Variants in LRRC37A2 observed in about 807,000 individuals in gnomAD.
LRRC37A2 encodes the protein leucine rich repeat containing 37 member A2, also known as leucine-rich repeat-containing protein 37A2.
A neutral mutation model predicts 68.8 loss-of-function variants in LRRC37A2; 9 were observed. That is an observed-to-expected ratio of 0.13 (90% CI 0.08 to 0.23). The LOEUF is 0.23. LRRC37A2 is among the 10% of genes least tolerant of loss of function. The probability of loss-of-function intolerance (pLI) is 1.00; values close to 1 mark genes in which losing one functional copy is unlikely to be tolerated. For missense variants in LRRC37A2, 168 were observed against 950.4 expected, an observed-to-expected ratio of 0.18 and a Z score of 10.82; for synonymous variants, 63 against 367.6, an observed-to-expected ratio of 0.17 and a Z score of 9.48.
the LRRC37A2 span, among the ~76,000 whole-genome samples, chr17:46,716,185 GT>G: frequency 6.6e-6 from 1 of 151,706 alleles, no homozygotes; most frequent in Non-Finnish European, 1.5e-5. Context: ...CTTCCAGGTT[GT>G]TTTTGAAAAT....
At chr17:46,747,987 A>T in the LRRC37A2 span, among the ~76,000 whole-genome samples, 1 of 152,238 alleles carries the variant, frequency 6.6e-6, no homozygotes, top group Non-Finnish European at 1.5e-5. Context: ...TGAAGAAAAG[A>T]TTCTGAAAGT....
chr17:46,500,467 ATTACT>A, the LRRC37A2 span, among the ~76,000 whole-genome samples: 1 of 149,394 alleles, frequency 6.7e-6, no homozygotes, highest in Non-Finnish European at 1.5e-5. Flanking sequence ...TGCATTTGGG[ATTACT>A]TTAAACAATT....
At chr17:46,929,427 A>G in the LRRC37A2 span, 2 of 763,398 alleles carry the variant, frequency 2.6e-6, no homozygotes, top group Non-Finnish European at 4.8e-6. Flanking sequence ...GATTTAAATC[A>G]GTTACATGTT....
At chr17:46,649,553 G>C in the LRRC37A2 span, among the ~76,000 whole-genome samples, 1 of 150,922 alleles carries the variant, frequency 6.6e-6, no homozygotes, top group Non-Finnish European at 1.5e-5. Flanking sequence ...GTTTTCTCCT[G>C]CGTTACTCCC....
chr17:46,936,057 C>CG, the LRRC37A2 span: 1 of 985,726 alleles, frequency 1.0e-6, no homozygotes, highest in South Asian at 4.7e-5. Context: ...GCCATCTCTA[C>CG]GGGGGAGAGG....
chr17:46,833,347 T>C, the LRRC37A2 span: 1 of 518,216 alleles, frequency 1.9e-6, no homozygotes, highest in South Asian at 1.4e-5. Flanking sequence ...ATCAATTGCA[T>C]GAAAGGACGG....
At chr17:46,970,977 C>G in the LRRC37A2 span, among the ~76,000 whole-genome samples, 1 of 152,200 alleles carries the variant, frequency 6.6e-6, no homozygotes, top group Non-Finnish European at 1.5e-5. Context: ...GTGATTCCTT[C>G]TAGGTTGCAG....
chr17:46,960,887 G>A, the LRRC37A2 span, among the ~76,000 whole-genome samples: 1 of 152,192 alleles, frequency 6.6e-6, no homozygotes, highest in Non-Finnish European at 1.5e-5. Context: ...GTGGCAGCAT[G>A]AAGGAGTATC....
At chr17:47,019,305 A>C in the LRRC37A2 span, 2 of 1,601,640 alleles carry the variant, frequency 1.2e-6, no homozygotes, top group African/African-American at 2.8e-5. Context: ...ACCTTCAGAC[A>C]AGGGTCAGGC....
the LRRC37A2 span, among the ~76,000 whole-genome samples, chr17:46,844,443 C>T: frequency 2.0e-5 from 3 of 151,324 alleles, no homozygotes; most frequent in South Asian, 2.1e-4. Context: ...TTCAGGAAAA[C>T]GTGCTATGGT....
At chr17:46,786,806 G>A in the LRRC37A2 span, among the ~76,000 whole-genome samples, 1 of 152,182 alleles carries the variant, frequency 6.6e-6, no homozygotes, top group Admixed American at 6.5e-5. Flanking sequence ...CCCCCTAAAT[G>A]TCTAGTCTTG....
the LRRC37A2 span, among the ~76,000 whole-genome samples, chr17:46,838,576 A>G: frequency 1.3e-5 from 2 of 152,074 alleles, no homozygotes; most frequent in Non-Finnish European, 2.9e-5. Context: ...GCAGTGAGCC[A>G]TGATGGCGCC....
At chr17:47,037,495 T>C in the LRRC37A2 span, among the ~76,000 whole-genome samples, 1 of 152,236 alleles carries the variant, frequency 6.6e-6, no homozygotes, top group Non-Finnish European at 1.5e-5. Context: ...ATCTGCTTCA[T>C]GTTTACAGAA....
chr17:46,610,027 T>TTCTTTC, the LRRC37A2 span, among the ~76,000 whole-genome samples: 65 of 109,490 alleles, frequency 5.9e-4, 1 homozygote, highest in East Asian at 1.3e-3. Flanking sequence ...CTTTCTTTCT[T>TTCTTTC]TCTCTCTCTC....
the LRRC37A2 span, among the ~76,000 whole-genome samples, chr17:46,742,462 G>A: frequency 6.6e-6 from 1 of 152,188 alleles, no homozygotes; most frequent in Non-Finnish European, 1.5e-5. Flanking sequence ...AAGCCAAACC[G>A]ACTTAAGTCC....
At chr17:46,980,355 C>CCTTCG in the LRRC37A2 span, among the ~76,000 whole-genome samples, 1 of 23,288 alleles carries the variant, frequency 4.3e-5, no homozygotes, top group Non-Finnish European at 1.0e-4. Flanking sequence ...TTCCTTCCTT[C>CCTTCG]TTCTTTCTTT....
chr17:46,941,250 G>A, the LRRC37A2 span: 5 of 991,852 alleles, frequency 5.0e-6, no homozygotes, highest in South Asian at 4.5e-5. Flanking sequence ...GCGGAGTTCT[G>A]TACACCCTTT....
At chr17:46,642,806 TTTAG>T in the LRRC37A2 span, among the ~76,000 whole-genome samples, 1 of 18,644 alleles carries the variant, frequency 5.4e-5, no homozygotes, top group Non-Finnish European at 8.8e-5. Flanking sequence ...AGTTAGTTAA[TTTAG>T]TTAGATTGAA....
chr17:46,911,419 G>A, the LRRC37A2 span: 3 of 152,222 alleles, frequency 2.0e-5, no homozygotes, highest in Non-Finnish European at 2.9e-5. Context: ...GCATCCCTCA[G>A]AACTCTTCAC....
Sources: gnomAD v4.1 joint callset for allele counts (sites outside exome capture counted in the v4.1 genomes callset) on GRCh38, gnomAD v4.1.1 for gene constraint, MANE v1.5 for transcripts, NCBI Gene and HGNC (gene_info 2026-07-23, HGNC 2026-07-21) for gene names.